GULP1: variants seen among roughly 807,000 people sequenced by gnomAD.
The protein encoded by GULP1 is PTB domain-containing engulfment adapter protein 1.
In GULP1, 19 loss-of-function variants were observed where a neutral mutation model predicts 40.9. The observed-to-expected ratio is 0.46, with a 90% CI of 0.32 to 0.68. GULP1 has a LOEUF of 0.68. GULP1 is among the 30% of genes least tolerant of loss of function. The pLI is 0.03. For missense variants in GULP1, 312 were observed against 362.2 expected (o/e 0.86, Z 1.12); for synonymous variants, 119 against 117.6 (o/e 1.01, Z -0.08).
intron 5 of GULP1, 32 bp downstream of exon 5, chr2:188,522,859 G>A (rs1481563854): frequency 1.5e-6 from 2 of 1,310,998 alleles, no homozygotes; most frequent in Non-Finnish European, 1.1e-6. Flanking sequence ...AATTACAAGT[G>A]TATTGACTCT....
chr2:188,324,366 A>G (rs555881036), intron 1 of GULP1, among the ~76,000 whole-genome samples: 3 of 152,208 alleles, frequency 2.0e-5, no homozygotes, highest in Middle Eastern at 3.4e-3. Flanking sequence ...TCTAAAAATA[A>G]TTGCTTAGTG....
chr2:188,328,657 T>C (rs973037537), intron 1 of GULP1, among the ~76,000 whole-genome samples: 1 of 152,152 alleles, frequency 6.6e-6, no homozygotes, highest in Non-Finnish European at 1.5e-5. Flanking sequence ...TGTAACAGAA[T>C]AAGTAATGTT....
intron 2 of GULP1, among the ~76,000 whole-genome samples, chr2:188,416,536 G>T (rs560486903): frequency 1.3e-5 from 2 of 152,216 alleles, no homozygotes; most frequent in South Asian, 4.2e-4. Context: ...TAGACACTCA[G>T]TTTCAGGACT....
intron 7 of GULP1, among the ~76,000 whole-genome samples, chr2:188,542,835 C>T (rs1029657443): frequency 2.6e-5 from 4 of 152,108 alleles, no homozygotes; most frequent in Non-Finnish European, 5.9e-5. Flanking sequence ...TGTTGAATAT[C>T]TTCTACACAT....
intron 2 of GULP1, among the ~76,000 whole-genome samples, chr2:188,391,609 C>T (rs2050537655): frequency 6.6e-6 from 1 of 151,950 alleles, no homozygotes; most frequent in Non-Finnish European, 1.5e-5. Flanking sequence ...ATTTGTTTAT[C>T]TTGCCTTATT....
chr2:188,334,886 G>T (rs1197577789), intron 1 of GULP1, among the ~76,000 whole-genome samples: 1 of 152,198 alleles, frequency 6.6e-6, no homozygotes, highest in Admixed American at 6.5e-5. Flanking sequence ...GCTACAAGTT[G>T]TGATGGAAAT....
intron 9 of GULP1, among the ~76,000 whole-genome samples, chr2:188,571,699 G>T (rs1351773506): frequency 2.6e-5 from 4 of 152,150 alleles, no homozygotes; most frequent in Admixed American, 2.6e-4. Flanking sequence ...TCCCAAGATG[G>T]AACACACATC....
intron 2 of GULP1, among the ~76,000 whole-genome samples, chr2:188,431,858 C>T (rs1202368418): frequency 6.6e-6 from 1 of 151,806 alleles, no homozygotes; most frequent in East Asian, 1.9e-4. Flanking sequence ...GTAGTTTCTT[C>T]ACAACTTTCT....
intron 2 of GULP1, among the ~76,000 whole-genome samples, chr2:188,458,573 T>G (rs1435095766): frequency 6.6e-6 from 1 of 152,164 alleles, no homozygotes; most frequent in Non-Finnish European, 1.5e-5. Flanking sequence ...GTGTATATAT[T>G]TATGGGGTAC....
chr2:188,368,939 G>GTGTA (rs1272494109), intron 1 of GULP1, among the ~76,000 whole-genome samples: 62 of 86,072 alleles, frequency 7.2e-4, no homozygotes, highest in African/African-American at 2.3e-3. Flanking sequence ...ATATATGTGT[G>GTGTA]TATATATATA....
intron 6 of GULP1, among the ~76,000 whole-genome samples, chr2:188,535,880 G>A (rs1466154267): frequency 1.3e-5 from 2 of 151,816 alleles, no homozygotes; most frequent in African/African-American, 2.4e-5. Flanking sequence ...TTTTTAATAA[G>A]AGTGATTCTG....
intron 7 of GULP1, among the ~76,000 whole-genome samples, chr2:188,549,701 A>G (rs1692947933): frequency 6.6e-6 from 1 of 151,846 alleles, no homozygotes; most frequent in Admixed American, 6.6e-5. Flanking sequence ...ATAGAAGCTT[A>G]TTCATAATAG....
intron 2 of GULP1, among the ~76,000 whole-genome samples, chr2:188,470,485 T>C (rs1439452415): frequency 6.6e-6 from 1 of 152,118 alleles, no homozygotes; most frequent in East Asian, 1.9e-4. Flanking sequence ...TTTTCCTAAT[T>C]TTTAAGATGT....
intron 1 of GULP1, among the ~76,000 whole-genome samples, chr2:188,344,227 A>G (rs970699293): frequency 6.6e-6 from 1 of 152,206 alleles, no homozygotes. Flanking sequence ...TTGGCAGCCA[A>G]CTGTTTTTAG....
chr2:188,576,827 G>A (rs988765997), intron 9 of GULP1, among the ~76,000 whole-genome samples: 2 of 152,040 alleles, frequency 1.3e-5, no homozygotes, highest in Non-Finnish European at 2.9e-5. Context: ...CAGTGGTTTG[G>A]CAATAGATTA....
intron 1 of GULP1, among the ~76,000 whole-genome samples, chr2:188,330,165 A>G (rs1021850093): frequency 1.3e-5 from 2 of 152,180 alleles, no homozygotes; most frequent in African/African-American, 4.8e-5. Flanking sequence ...CACTGTAAAT[A>G]TATGGTGGTT....
chr2:188,333,700 A>G (rs1167238325), intron 1 of GULP1, among the ~76,000 whole-genome samples: 4 of 152,190 alleles, frequency 2.6e-5, no homozygotes, highest in African/African-American at 9.7e-5. Flanking sequence ...TAATTTTACA[A>G]TTACTAGTGT....
At chr2:188,319,294 A>C (rs192745392) in intron 1 of GULP1, among the ~76,000 whole-genome samples, 1 of 152,132 alleles carries the variant, frequency 6.6e-6, no homozygotes. Context: ...GCAAAATAGG[A>C]ATGTTTACCT....
At chr2:188,546,030 A>G (rs1691857942) in intron 7 of GULP1, among the ~76,000 whole-genome samples, 1 of 151,978 alleles carries the variant, frequency 6.6e-6, no homozygotes, top group Admixed American at 6.6e-5. Flanking sequence ...TCCCAAGAAG[A>G]TATGGTAATC....
Sources: gnomAD v4.1 joint callset for allele counts (sites outside exome capture counted in the v4.1 genomes callset) on GRCh38, gnomAD v4.1.1 for gene constraint, MANE v1.5 for transcripts, NCBI Gene and HGNC (gene_info 2026-07-23, HGNC 2026-07-21) for gene names.